Variants in SLC4A4 observed in about 807,000 individuals in gnomAD.
SLC4A4 encodes electrogenic sodium bicarbonate cotransporter 1.
In SLC4A4, 27 loss-of-function variants were observed where a neutral mutation model predicts 111.5. That is an observed-to-expected ratio of 0.24 (90% CI 0.18 to 0.33). The LOEUF is 0.33. Among genes scored for constraint, SLC4A4 ranks in the 10% least tolerant of loss-of-function variants. The probability of loss-of-function intolerance (pLI) is 1.00; values close to 1 mark genes in which losing one functional copy is unlikely to be tolerated. For missense variants in SLC4A4, 909 were observed against 1,315.5 expected, an observed-to-expected ratio of 0.69 and a Z score of 4.78; for synonymous variants, 443 against 463.4, an observed-to-expected ratio of 0.96 and a Z score of 0.57.
intron 2 of SLC4A4, among the ~76,000 whole-genome samples, chr4:71,177,061 A>C (rs988173198): frequency 6.6e-6 from 1 of 152,174 alleles, no homozygotes; most frequent in African/African-American, 2.4e-5. Flanking sequence ...ACACAGAATT[A>C]CATATCCAGC....
At chr4:71,169,063 G>A (rs111276313) in intron 2 of SLC4A4, among the ~76,000 whole-genome samples, 13 of 151,820 alleles carry the variant, frequency 8.6e-5, no homozygotes, top group African/African-American at 1.2e-4. Flanking sequence ...TTGTTGCCCC[G>A]GCTGGAGTGC....
chr4:71,181,093 C>T (rs911848902), intron 2 of SLC4A4, among the ~76,000 whole-genome samples: 1 of 151,660 alleles, frequency 6.6e-6, no homozygotes, highest in Non-Finnish European at 1.5e-5. Flanking sequence ...GAAACCATCA[C>T]TCTCAGCAAA....
chr4:71,296,848 A>G (rs1225088122), intron 3 of SLC4A4, among the ~76,000 whole-genome samples: 2 of 152,200 alleles, frequency 1.3e-5, no homozygotes, highest in Non-Finnish European at 2.9e-5. Context: ...TTTGTTGGCT[A>G]GGTGATAGAA....
intron 3 of SLC4A4, among the ~76,000 whole-genome samples, chr4:71,337,100 A>G (rs1336662594): frequency 2.0e-5 from 3 of 152,214 alleles, no homozygotes; most frequent in Admixed American, 6.5e-5. Context: ...TGATTGGTCA[A>G]TGATCATTAT....
intron 3 of SLC4A4, chr4:71,300,774 G>A (rs1041771410): frequency 2.8e-6 from 1 of 356,934 alleles, no homozygotes; most frequent in Admixed American, 3.2e-5. Context: ...CTGGTGGATA[G>A]CAGACCCCCG....
At chr4:71,190,715 C>T (rs933639222) in intron 1 of SLC4A4, among the ~76,000 whole-genome samples, 7 of 152,170 alleles carry the variant, frequency 4.6e-5, no homozygotes, top group African/African-American at 1.7e-4. Context: ...TGAATAGCTA[C>T]TGCACCTCAG....
chr4:71,423,338 A>G (rs990071215), intron 7 of SLC4A4, among the ~76,000 whole-genome samples: 44 of 152,188 alleles, frequency 2.9e-4, no homozygotes, highest in Admixed American at 2.9e-3. Flanking sequence ...GAAATAAAAG[A>G]GGATACAAAC....
intron 1 of SLC4A4, among the ~76,000 whole-genome samples, chr4:71,088,012 A>G (rs768092184): frequency 3.9e-5 from 6 of 151,920 alleles, no homozygotes; most frequent in African/African-American, 1.2e-4. Context: ...GGGTGTTAAA[A>G]TCTCCCATTA....
Position 71,447,858 on chromosome 4 carries a change from A to G in SLC4A4, c.1053+125A>G. ...ACTAGACTTCCTTATAGCATGAGGT[A>G]CGGTCATTTGAGACAAATGAGCTGA... On this transcript the variant is annotated intron_variant, in intron 9 of 25. Transcript: ENST00000264485. 4.0e-6 allele frequency: 3 copies of G among 742,878 alleles called. No homozygotes were observed. The South Asian group carries it at 4.4e-5, about 11-fold the overall frequency. 46.0% of individuals were successfully genotyped at this position (742,878 alleles called of 1,614,324 possible). A position where few individuals can be genotyped will look rare whatever the true frequency, so the allele number is the denominator to read the frequency against.
chr4:71,543,137 G>T (rs1370452061), intron 18 of SLC4A4, among the ~76,000 whole-genome samples: 2 of 152,074 alleles, frequency 1.3e-5, no homozygotes, highest in Non-Finnish European at 2.9e-5. Flanking sequence ...CTTATATTGA[G>T]ACCTAAAATG....
intron 10 of SLC4A4, 62 bp from the exon 11 acceptor site, chr4:71,451,126 C>A: frequency 1.9e-6 from 2 of 1,076,298 alleles, no homozygotes; most frequent in Non-Finnish European, 2.9e-6. Flanking sequence ...GAGCATGATA[C>A]AGCTAAGAAG....
intron 14 of SLC4A4, among the ~76,000 whole-genome samples, chr4:71,474,461 T>A (rs764396941): frequency 3.3e-5 from 5 of 151,930 alleles, no homozygotes; most frequent in African/African-American, 4.8e-5. Context: ...CTTTTTATGC[T>A]TGTGGCATGC....
intron 16 of SLC4A4, 143 bp from the exon 17 acceptor site, chr4:71,531,919 G>A (rs1733966989): frequency 3.0e-6 from 2 of 660,216 alleles, no homozygotes; most frequent in African/African-American, 1.8e-5. Flanking sequence ...TAATTTTTCT[G>A]CACTCTGATA....
intron 7 of SLC4A4, among the ~76,000 whole-genome samples, chr4:71,416,956 C>G (rs1470510372): frequency 6.6e-6 from 1 of 152,122 alleles, no homozygotes; most frequent in Non-Finnish European, 1.5e-5. Flanking sequence ...GACCTGTGGT[C>G]ATAAGTTTTG....
chr4:71,081,519 G>C (rs933137987), intron 1 of SLC4A4, among the ~76,000 whole-genome samples: 1 of 152,128 alleles, frequency 6.6e-6, no homozygotes, highest in African/African-American at 2.4e-5. Flanking sequence ...ACCTCAGCCA[G>C]TGATGCTTTT....
At chr4:71,399,794 A>G (rs545036338) in intron 7 of SLC4A4, among the ~76,000 whole-genome samples, 1 of 151,950 alleles carries the variant, frequency 6.6e-6, no homozygotes, top group East Asian at 1.9e-4. Flanking sequence ...GTCAGGACTA[A>G]TTTCTTTACT....
chr4:71,296,097 T>C (rs1286788006), intron 3 of SLC4A4, among the ~76,000 whole-genome samples: 2 of 152,012 alleles, frequency 1.3e-5, no homozygotes, highest in Non-Finnish European at 2.9e-5. Flanking sequence ...TTGAACCAAC[T>C]CTTTTTAACC....
intron 2 of SLC4A4, among the ~76,000 whole-genome samples, chr4:71,144,859 G>C (rs1259789048): frequency 6.6e-6 from 1 of 152,018 alleles, no homozygotes; most frequent in Non-Finnish European, 1.5e-5. Flanking sequence ...TGAGACGATG[G>C]GGTTTTCTAG....
At chr4:71,431,384 A>T (rs567750882) in intron 7 of SLC4A4, among the ~76,000 whole-genome samples, 7 of 152,216 alleles carry the variant, frequency 4.6e-5, no homozygotes, top group Middle Eastern at 3.4e-3. Context: ...GGAGCCCTGC[A>T]TATATCCCAT....
Sources: allele counts gnomAD v4.1 joint callset (sites outside exome capture counted in the v4.1 genomes callset), GRCh38; gene constraint gnomAD v4.1.1; transcripts MANE v1.5; gene names NCBI Gene and HGNC (gene_info 2026-07-23, HGNC 2026-07-21).